ARHGAP15: variants seen among roughly 807,000 people sequenced by gnomAD.
The protein encoded by ARHGAP15 is Rho GTPase activating protein 15, also known as rho GTPase-activating protein 15.
A neutral mutation model predicts 63.7 loss-of-function variants in ARHGAP15; 51 were observed. The ratio of observed to expected loss-of-function variants is 0.80; its 90% confidence interval spans 0.64 to 1.01. The LOEUF (loss-of-function observed/expected upper bound fraction) is 1.01. Ranked by LOEUF, ARHGAP15 falls within the 50% of genes least tolerant of loss-of-function variation. The pLI is 0.00. For missense variants in ARHGAP15, 560 were observed against 564.6 expected, an observed-to-expected ratio of 0.99 and a Z score of 0.08; for synonymous variants, 191 against 193.8, an observed-to-expected ratio of 0.99 and a Z score of 0.12.
At chr2:143,196,559 T>C (rs1416659110) in intron 2 of ARHGAP15, among the ~76,000 whole-genome samples, 1 of 151,808 alleles carries the variant, frequency 6.6e-6, no homozygotes, top group African/African-American at 2.4e-5. Flanking sequence ...AAACTCTTAA[T>C]AAACAGATCA....
chr2:143,463,661 A>G (rs1304543525), intron 8 of ARHGAP15, among the ~76,000 whole-genome samples: 1 of 152,130 alleles, frequency 6.6e-6, no homozygotes, highest in African/African-American at 2.4e-5. Context: ...TGGTAGTGGT[A>G]CTGCTTCTCT....
In ARHGAP15 at chr2:143,313,845, G is replaced by A. The variant is rs549354690; in HGVS notation, c.474+63245G>A. Among the ~76,000 whole-genome samples the A allele has an allele frequency of 1.1e-4, 16 of 152,122 alleles. No homozygotes were observed. In the South Asian group the frequency reaches 3.3e-3, roughly 32 times the overall value. The stretch of plus-strand genomic sequence containing the variant: ...AGCAGAGTTCATCAAGCAGGCACTT[G>A]GAACTTTTAACATTCATGCTGTTGT... On this transcript the variant is annotated intron_variant, in intron 6 of 13. Transcript: ENST00000295095.
intron 6 of ARHGAP15, among the ~76,000 whole-genome samples, chr2:143,287,081 A>G (rs1030145233): frequency 6.6e-6 from 1 of 152,162 alleles, no homozygotes; most frequent in African/African-American, 2.4e-5. Context: ...TGAGTTTTTG[A>G]GAGTGGAATA....
chr2:143,167,650 T>C (rs911599552), intron 2 of ARHGAP15, among the ~76,000 whole-genome samples: 1 of 152,048 alleles, frequency 6.6e-6, no homozygotes, highest in African/African-American at 2.4e-5. Flanking sequence ...CCCTGGTTGC[T>C]TTTTTTCACC....
chr2:143,206,019 C>A (rs1692318636), intron 3 of ARHGAP15, among the ~76,000 whole-genome samples: 2 of 151,948 alleles, frequency 1.3e-5, no homozygotes, highest in South Asian at 4.2e-4. Context: ...CATCATGGTC[C>A]CCAATTTACG....
chr2:143,154,368 C>T (rs1157386861), intron 1 of ARHGAP15, among the ~76,000 whole-genome samples: 1 of 151,866 alleles, frequency 6.6e-6, no homozygotes, highest in Non-Finnish European at 1.5e-5. Context: ...CCTGCTTGGC[C>T]ATTAGAATGA....
At chr2:143,469,483 C>A (rs192024370) in intron 8 of ARHGAP15, among the ~76,000 whole-genome samples, 2 of 152,210 alleles carry the variant, frequency 1.3e-5, no homozygotes, top group African/African-American at 4.8e-5. Context: ...CCAACTGTAG[C>A]AATGCCCCAC....
At chr2:143,440,480 T>C (rs943378369) in intron 8 of ARHGAP15, among the ~76,000 whole-genome samples, 3 of 152,114 alleles carry the variant, frequency 2.0e-5, no homozygotes, top group African/African-American at 7.2e-5. Flanking sequence ...TTCCCATGAG[T>C]TTTGCCGCCA....
At chr2:143,640,203 T>C (rs1680538594) in intron 12 of ARHGAP15, among the ~76,000 whole-genome samples, 1 of 152,054 alleles carries the variant, frequency 6.6e-6, no homozygotes, top group South Asian at 2.1e-4. Context: ...TTTAAAACAA[T>C]GTGCTTTGTG....
chr2:143,560,426 G>T (rs541575539), intron 11 of ARHGAP15, among the ~76,000 whole-genome samples: 1 of 152,228 alleles, frequency 6.6e-6, no homozygotes, highest in Admixed American at 6.5e-5. Flanking sequence ...AAAAACTGAG[G>T]TTCAGATAGT....
At chr2:143,693,591 G>T (rs1303410150) in intron 12 of ARHGAP15, among the ~76,000 whole-genome samples, 1 of 152,150 alleles carries the variant, frequency 6.6e-6, no homozygotes, top group Admixed American at 6.6e-5. Context: ...CTTGGGCTTT[G>T]CACTGTAATT....
At chr2:143,350,504 T>A (rs1685509132) in intron 6 of ARHGAP15, among the ~76,000 whole-genome samples, 1 of 152,026 alleles carries the variant, frequency 6.6e-6, no homozygotes, top group Non-Finnish European at 1.5e-5. Flanking sequence ...TTTTATCATT[T>A]ATTTTTCCAA....
In ARHGAP15 at chr2:143,387,861, GCACATA is replaced by G. The variant is rs1162998742; in HGVS notation, c.475-47730_475-47725del. Among the ~76,000 whole-genome samples the G allele has an allele frequency of 3.4e-4, 51 of 150,002 alleles. 1 individual carries two copies. Among genetic ancestry groups the G allele is most frequent in the East Asian group, 2.6e-3 (13 of 5,092 alleles). Reference sequence around the variant, plus strand: ...TGCAAGCACACACACACGCATGGACGCACATACACATACACGCATGCGTGCACATAC... The same window carrying G: ...TGCAAGCACACACACACGCATGGACGCACATACACGCATGCGTGCACATAC... On this transcript the variant is annotated intron_variant, in intron 6 of 13. Transcript: ENST00000295095.
Position 143,581,945 on chromosome 2 carries a change from T to G in ARHGAP15, c.1003+25460T>G, listed in dbSNP as rs539612175. 3.9e-5 allele frequency among the ~76,000 whole-genome samples: 6 copies of G among 152,288 alleles called. No individual in the cohort carries two copies. The East Asian group carries it at 1.2e-3, about 29-fold the overall frequency. Reference sequence around the variant, plus strand: ...GTCAGTTTCTTTTCCTGAATGACATTATCTCTAAAGACTCTGGAAAGTGAT... The same window carrying G: ...GTCAGTTTCTTTTCCTGAATGACATGATCTCTAAAGACTCTGGAAAGTGAT... On this transcript the variant is annotated intron_variant, in intron 11 of 13. Transcript: ENST00000295095.
chr2:143,624,064 C>G lies in ARHGAP15; in HGVS notation c.1004-69C>G, dbSNP rs1698744137. 6 of 1,562,102 alleles carry G rather than the reference C, an allele frequency of 3.8e-6. No individual in the cohort carries two copies. In the South Asian group the frequency reaches 7.0e-5, roughly 18 times the overall value. ...GCTGATGATAGTAGGCAAACATTAA[C>G]ATAATAATTAGTGTCTTGTAATTGT... On this transcript the variant is annotated intron_variant, in intron 11 of 13. Transcript: ENST00000295095.
chr2:143,676,855 G>A (rs1022201851), intron 12 of ARHGAP15, among the ~76,000 whole-genome samples: 2 of 152,102 alleles, frequency 1.3e-5, no homozygotes, highest in Non-Finnish European at 2.9e-5. Context: ...CTCAACCAAA[G>A]TTGTCACAGA....
At chr2:143,241,244 T>C (rs1240790357) in intron 5 of ARHGAP15, among the ~76,000 whole-genome samples, 1 of 152,330 alleles carries the variant, frequency 6.6e-6, no homozygotes, top group East Asian at 1.9e-4. Flanking sequence ...TCAGATCACC[T>C]GGGTTAGGAA....
chr2:143,481,433 T>C (rs929555158), intron 8 of ARHGAP15, among the ~76,000 whole-genome samples: 1 of 152,032 alleles, frequency 6.6e-6, no homozygotes, highest in Non-Finnish European at 1.5e-5. Context: ...CAACATGTAA[T>C]TGTAACATGG....
At chr2:143,373,507 G>A (rs1437537467) in intron 6 of ARHGAP15, among the ~76,000 whole-genome samples, 1 of 151,914 alleles carries the variant, frequency 6.6e-6, no homozygotes, top group Non-Finnish European at 1.5e-5. Flanking sequence ...GAGGGTGCCT[G>A]TAGTCCCAGC....
Sources: gnomAD v4.1 joint callset for allele counts (sites outside exome capture counted in the v4.1 genomes callset) on GRCh38, gnomAD v4.1.1 for gene constraint, MANE v1.5 for transcripts, NCBI Gene and HGNC (gene_info 2026-07-23, HGNC 2026-07-21) for gene names.